The following BAHCC1 variants were observed in gnomAD, a reference collection of about 807,000 sequenced individuals.
The protein encoded by BAHCC1 is BAH and coiled-coil domain-containing protein 1.
In BAHCC1, 43 loss-of-function variants were observed where a neutral mutation model predicts 88.2. That is an observed-to-expected ratio of 0.49 (90% CI 0.38 to 0.63). The LOEUF (loss-of-function observed/expected upper bound fraction) is 0.63. Among genes scored for constraint, BAHCC1 ranks in the 20% least tolerant of loss-of-function variants. The pLI is 0.00. For synonymous variants in BAHCC1, 1,510 were observed against 745.5 expected, an observed-to-expected ratio of 2.03 and a Z score of -16.71; for missense variants, 3,023 against 1,654.8, an observed-to-expected ratio of 1.83 and a Z score of -14.34.
intron 2 of BAHCC1, chr17:81,406,782 A>C: frequency 2.4e-6 from 1 of 420,802 alleles, no homozygotes; most frequent in Non-Finnish European, 4.8e-6. Flanking sequence ...CGCTGGGGGC[A>C]GGCGGCGCCC....
chr17:81,413,609 G>A (rs1449825781), intron 2 of BAHCC1, among the ~76,000 whole-genome samples: 1 of 152,242 alleles, frequency 6.6e-6, no homozygotes, highest in Non-Finnish European at 1.5e-5. Context: ...CAGACGTCCT[G>A]CCTTGGTGGA....
chr17:81,424,536 A>C (rs2064151349), intron 2 of BAHCC1, among the ~76,000 whole-genome samples: 1 of 151,890 alleles, frequency 6.6e-6, no homozygotes, highest in South Asian at 2.1e-4. Context: ...TGATGTGGTT[A>C]TTGATGATGA....
At chr17:81,462,273 C>T (rs2030364027) in intron 26 of BAHCC1, among the ~76,000 whole-genome samples, 1 of 152,234 alleles carries the variant, frequency 6.6e-6, no homozygotes, top group African/African-American at 2.4e-5. Context: ...GTAGAAATGG[C>T]TTCATGTCGG....
intron 3 of BAHCC1, among the ~76,000 whole-genome samples, chr17:81,431,721 C>G (rs1330982428): frequency 2.6e-5 from 4 of 152,202 alleles, no homozygotes; most frequent in African/African-American, 9.7e-5. Context: ...GGTGCTTGCG[C>G]CCATTTTACA....
intron 3 of BAHCC1, among the ~76,000 whole-genome samples, chr17:81,431,085 C>A (rs2064255905): frequency 6.7e-6 from 1 of 148,552 alleles, no homozygotes. Context: ...GCGTGGGGAT[C>A]CCAGCGTGGG....
chr17:81,434,763 A>C lies in BAHCC1; in HGVS notation c.359-3607A>C, dbSNP rs1043759668. On this transcript the variant is annotated intron_variant, in intron 3 of 27. Coordinates refer to ENST00000675386, the MANE Select transcript of BAHCC1 (RefSeq NM_001377448.1). This position sits in a 1 kb window ranked among gnomAD's most constrained non-coding sequence, Gnocchi z 4.9. The stretch of plus-strand genomic sequence containing the variant: ...GCAGCCTGGGGGGTGGGTTGTGGCC[A>C]CCTCCCCAGATCTGGCAAGAGGAGG... Among the ~76,000 whole-genome samples, 35 of 150,888 alleles carry C rather than the reference A, an allele frequency of 2.3e-4. No individual in the cohort carries two copies. The highest frequency in any genetic ancestry group is 1.0e-4 in the Non-Finnish European group (7 of 67,694).
At chr17:81,418,796 C>CGTGTGTGTGTGTGCGCGCGT (rs539655672) in intron 2 of BAHCC1, among the ~76,000 whole-genome samples, 17 of 144,916 alleles carry the variant, frequency 1.2e-4, no homozygotes, top group African/African-American at 2.1e-4. Flanking sequence ...TACGTGTGTG[C>CGTGTGTGTGTGTGCGCGCGT]GTGTGTGTGT....
At chr17:81,416,475 G>GTT (rs1555648743) in intron 2 of BAHCC1, among the ~76,000 whole-genome samples, 6 of 149,028 alleles carry the variant, frequency 4.0e-5, no homozygotes, top group Non-Finnish European at 7.4e-5. Context: ...GTGTGTGTGT[G>GTT]TGTGTCCATG....
Position 81,458,305 on chromosome 17 carries a change from G to A in BAHCC1, c.5182G>A (p.Ala1728Thr), listed in dbSNP as rs559820473. ...GGGCAAGAAGAAAGCCAAGGGCAAG[G>A]CCAAGGGCAGCCTGCGGGCAGAGCC... ...ALGKKKAKGK[A>T]KGSLRAEPGA... The change falls in exon 18 of 28, where the codon GCC becomes ACC. Residue 1728 changes from alanine to threonine, a missense_variant. Ala to Thr is a moderately conservative substitution (Grantham distance 58, BLOSUM62 0). Transcript: ENST00000675386. 2 of 750,176 alleles carry A rather than the reference G, an allele frequency of 2.7e-6. No individual in the cohort carries two copies. The highest frequency in any genetic ancestry group is 1.7e-5 in the African/African-American group (1 of 58,718). 46.5% of individuals were successfully genotyped at this position (750,176 alleles called of 1,614,324 possible). A position where few individuals can be genotyped will look rare whatever the true frequency, so the allele number is the denominator to read the frequency against.
chr17:81,460,172 C>G (rs1395908773), intron 23 of BAHCC1, 105 bp from the exon 24 acceptor site: 3 of 665,966 alleles, frequency 4.5e-6, no homozygotes, highest in Admixed American at 2.2e-5. Context: ...GAGCAGAACC[C>G]CAGAGCCCTC....
At position 81,465,266 on chromosome 17, in the gene BAHCC1, G is replaced by A. The variant is rs782363829; in HGVS notation, c.*1449G>A. The A allele has an allele frequency of 2.0e-5, 3 of 152,218 alleles. No individual in the cohort carries two copies. The highest frequency in any genetic ancestry group is 4.4e-5 in the Non-Finnish European group (3 of 68,068). The allele number at this position is 152,218 out of a possible 1,614,324, so 9.4% of individuals were successfully genotyped here. ...CTTTGGAGGTTTCTCGGCCTTTTCTGTGCCACTTGGTGGGGCAGATGGCCT... is the reference window on the plus strand; with the variant it reads ...CTTTGGAGGTTTCTCGGCCTTTTCTATGCCACTTGGTGGGGCAGATGGCCT... On this transcript the variant is annotated 3_prime_UTR_variant, in exon 28 of 28. Transcript: ENST00000675386.
intron 2 of BAHCC1, among the ~76,000 whole-genome samples, chr17:81,418,778 T>TGTGTGC (rs1555649088): frequency 4.6e-5 from 5 of 108,964 alleles, no homozygotes; most frequent in Non-Finnish European, 1.0e-4. Flanking sequence ...TGTGTGTACG[T>TGTGTGC]GTGTGTGTAC....
chr17:81,435,836 C>T lies in BAHCC1; in HGVS notation c.359-2534C>T, dbSNP rs2064328015. ...CCCACTCCTCAGTGGCAGCCCCTTC[C>T]AGGATGCCTGTGTGTCCCCGGCCCA... On this transcript the variant is annotated intron_variant, in intron 3 of 27. Transcript: ENST00000675386. This position sits in a 1 kb window ranked among gnomAD's most constrained non-coding sequence, Gnocchi z 4.4. 6.6e-6 allele frequency among the ~76,000 whole-genome samples: 1 copy of T among 152,100 alleles called. No homozygotes were observed. The highest frequency in any genetic ancestry group is 2.1e-4 in the South Asian group (1 of 4,812).
chr17:81,409,561 C>CG (rs1475559657), intron 2 of BAHCC1, among the ~76,000 whole-genome samples: 1 of 152,148 alleles, frequency 6.6e-6, no homozygotes, highest in African/African-American at 2.4e-5. Flanking sequence ...CGCGGGGTCG[C>CG]GGGGGTGCAG....
At chr17:81,414,845 T>C (rs961767850) in intron 2 of BAHCC1, among the ~76,000 whole-genome samples, 2 of 152,096 alleles carry the variant, frequency 1.3e-5, no homozygotes, top group Non-Finnish European at 2.9e-5. Context: ...ACTCCCCTGA[T>C]CGCTGCCACG....
In BAHCC1 at chr17:81,457,530, C is replaced by T. The variant is rs1416721859; in HGVS notation, c.4979C>T (p.Ser1660Phe). ...GCCGTGCTGGGGCCCTCACCCTCCTCTGTGGTCAAGATGGAGGCCAACCAG... is the reference window on the plus strand; with the variant it reads ...GCCGTGCTGGGGCCCTCACCCTCCTTTGTGGTCAAGATGGAGGCCAACCAG... The part of the protein sequence containing the change: ...SVAVLGPSPS[S>F]VVKMEANQKA... The change falls in exon 17 of 28, where the codon TCT (serine) becomes TTT (phenylalanine). Residue 1660 changes from serine to phenylalanine, a missense_variant. Physicochemically the swap from Ser to Phe is radical, Grantham distance 155 (BLOSUM62 -2). Coordinates refer to ENST00000675386, the MANE Select transcript of BAHCC1 (RefSeq NM_001377448.1). 8.0e-6 allele frequency: 6 copies of T among 753,334 alleles called. No homozygotes were observed. The highest frequency in any genetic ancestry group is 7.1e-5 in the South Asian group (5 of 70,862). 46.7% of individuals were successfully genotyped at this position (753,334 alleles called of 1,614,324 possible).
intron 3 of BAHCC1, 139 bp from the exon 4 acceptor site, chr17:81,438,231 C>T: frequency 1.6e-6 from 1 of 641,274 alleles, no homozygotes; most frequent in Non-Finnish European, 2.8e-6. Flanking sequence ...GGGTTGATTT[C>T]CCCCCGGCGG....
At position 81,461,636 on chromosome 17, in the gene BAHCC1, ACCT is replaced by A. The variant is rs781884771; in HGVS notation, c.6984_6986del (p.Ser2329del). On this transcript the variant is annotated inframe_deletion, in exon 26 of 28. Coordinates refer to ENST00000675386, the MANE Select transcript of BAHCC1 (RefSeq NM_001377448.1). ...GTCCTCTTCCTCCTCTGGCTCGTCC[ACCT>A]CCTCCTCCTCAGGCTCCGTGTCCAC... 2.2e-5 allele frequency: 16 copies of A among 737,160 alleles called. No homozygotes were observed. The highest frequency in any genetic ancestry group is 7.6e-5 in the East Asian group (3 of 39,280). 45.7% of individuals were successfully genotyped at this position (737,160 alleles called of 1,614,324 possible).
rs1555660222 is a variant in BAHCC1, at chr17:81,464,245, A to C, written c.*428A>C. On this transcript the variant is annotated 3_prime_UTR_variant, in exon 28 of 28. Transcript: ENST00000675386. ...TCTGCGGGGAAATTTTATGGTAAAA[A>C]GTGGAAAAGGGTTTTTCCCCATCCG... is the stretch of plus-strand genomic sequence containing the variant. 7.8e-6 allele frequency: 2 copies of C among 257,356 alleles called. No individual in the cohort carries two copies. The highest frequency in any genetic ancestry group is 4.4e-5 in the African/African-American group (2 of 45,428). 15.9% of individuals were successfully genotyped at this position (257,356 alleles called of 1,614,324 possible).
Sources: gnomAD v4.1 joint callset for allele counts (sites outside exome capture counted in the v4.1 genomes callset) on GRCh38, gnomAD v4.1.1 for gene constraint, Gnocchi (gnomAD v3.1) non-coding constraint, MANE v1.5 for transcripts, NCBI Gene and HGNC (gene_info 2026-07-23, HGNC 2026-07-21) for gene names.